The following PCDHA9 variants were observed in gnomAD, a reference collection of about 807,000 sequenced individuals.
PCDHA9 encodes the protein protocadherin alpha 9.
Under a neutral mutation model 62.0 loss-of-function variants are expected in PCDHA9, and 62 were observed. The ratio of observed to expected loss-of-function variants is 1.00; its 90% CI spans 0.81 to 1.23. The LOEUF is 1.23. Among genes scored for constraint, PCDHA9 ranks in the 50% most tolerant of loss-of-function variants. PCDHA9 has a pLI of 0.00. For missense variants in PCDHA9, 1,205 were observed against 1,249.8 expected, an observed-to-expected ratio of 0.96 and a Z score of 0.54; for synonymous variants, 557 against 567.6, an observed-to-expected ratio of 0.98 and a Z score of 0.27.
At chr5:140,927,265 C>T in intron 1 of PCDHA9, 1 of 1,614,168 alleles carries the variant, frequency 6.2e-7, no homozygotes. Context: ...ACCTCTCTTT[C>T]CTGCCGGCGA....
intron 2 of PCDHA9, 35 bp downstream of exon 2, chr5:140,979,042 C>T (rs782163702): frequency 6.2e-7 from 1 of 1,612,562 alleles, no homozygotes; most frequent in African/African-American, 1.3e-5. Context: ...TCAGAAGTAA[C>T]CTTAACTTGG....
chr5:140,906,720 G>A (rs2072884338), intron 1 of PCDHA9, among the ~76,000 whole-genome samples: 1 of 152,182 alleles, frequency 6.6e-6, no homozygotes, highest in African/African-American at 2.4e-5. Context: ...CCTGGATTGT[G>A]CTGTTGTAGT....
At chr5:140,910,679 A>G (rs1554194364) in intron 1 of PCDHA9, among the ~76,000 whole-genome samples, 1 of 152,208 alleles carries the variant, frequency 6.6e-6, no homozygotes, top group East Asian at 1.9e-4. Context: ...AAGGGAGATC[A>G]GGCATTTCCA....
chr5:141,000,027 A>G (rs782393146), intron 3 of PCDHA9, among the ~76,000 whole-genome samples: 4 of 152,048 alleles, frequency 2.6e-5, no homozygotes, highest in Non-Finnish European at 5.9e-5. Flanking sequence ...TAAGCCTGAC[A>G]TCCAATCACA....
At chr5:140,926,564 A>T in intron 1 of PCDHA9, 1 of 243,746 alleles carries the variant, frequency 4.1e-6, no homozygotes, top group Non-Finnish European at 7.8e-6. Flanking sequence ...GCCCGCTGCT[A>T]CTGGAGACAG....
At chr5:140,857,138 G>A in intron 1 of PCDHA9, 2 of 1,598,300 alleles carry the variant, frequency 1.3e-6, no homozygotes, top group Non-Finnish European at 1.7e-6. Context: ...AGATGCTCAA[G>A]TGGGCACCGT....
At chr5:140,931,405 G>A (rs1395168165) in intron 1 of PCDHA9, among the ~76,000 whole-genome samples, 1 of 151,984 alleles carries the variant, frequency 6.6e-6, no homozygotes, top group South Asian at 2.1e-4. Flanking sequence ...CGATAGGAAG[G>A]CTGATGAATC....
intron 1 of PCDHA9, chr5:140,967,336 C>T (rs782067589): frequency 5.0e-6 from 8 of 1,607,396 alleles, no homozygotes; most frequent in Admixed American, 1.7e-5. Context: ...TCAGCCCCAG[C>T]GAGCACTTCG....
chr5:140,910,528 T>A (rs2153515102), intron 1 of PCDHA9, among the ~76,000 whole-genome samples: 1 of 152,314 alleles, frequency 6.6e-6, no homozygotes, highest in African/African-American at 2.4e-5. Flanking sequence ...GGTACTCCCC[T>A]CACAAATCTA....
chr5:140,867,596 G>C (rs1388910756), intron 1 of PCDHA9: 2 of 152,076 alleles, frequency 1.3e-5, no homozygotes, highest in African/African-American at 2.4e-5. Context: ...TTAGATTGGA[G>C]ATAAACCATC....
At chr5:140,866,951 G>C (rs1207354253) in intron 1 of PCDHA9, 1 of 152,106 alleles carries the variant, frequency 6.6e-6, no homozygotes, top group African/African-American at 2.4e-5. Flanking sequence ...CTAGGGGCTG[G>C]TTGAGATGGT....
Position 140,883,556 on chromosome 5 carries a change from G to C in PCDHA9, c.2394+32667G>C, listed in dbSNP as rs144498761. ...TGAACTGGTGGTGACCGCGCGGGAC[G>C]GGGGCTCGCCTTCGCTGTGGGCCAC... On this transcript the variant is annotated intron_variant, in intron 1 of 3. Transcript: ENST00000532602. The C allele has an allele frequency of 2.1e-4, 339 of 1,614,184 alleles. 1 individual carries two copies. In the Middle Eastern group the frequency reaches 8.9e-3, roughly 42 times the overall value.
chr5:140,870,614 C>T, intron 1 of PCDHA9: 2 of 1,613,212 alleles, frequency 1.2e-6, no homozygotes, highest in Non-Finnish European at 1.7e-6. Context: ...CGCGCGCTGT[C>T]GAGCTACGTG....
intron 3 of PCDHA9, among the ~76,000 whole-genome samples, chr5:140,984,328 G>A (rs1221209076): frequency 3.3e-5 from 5 of 152,156 alleles, no homozygotes; most frequent in African/African-American, 1.2e-4. Context: ...GGCAAATGTG[G>A]AATAGGAACC....
intron 2 of PCDHA9, among the ~76,000 whole-genome samples, chr5:140,979,943 T>A (rs2153820467): frequency 6.6e-6 from 1 of 152,364 alleles, no homozygotes; most frequent in Admixed American, 6.5e-5. Context: ...GTAGAGTTAA[T>A]GTGAAATTAG....
At chr5:141,009,482 C>T in intron 3 of PCDHA9, 145 bp from the exon 4 acceptor site, 1 of 1,446,086 alleles carries the variant, frequency 6.9e-7, no homozygotes, top group Non-Finnish European at 9.1e-7. Flanking sequence ...TAAACACTTG[C>T]CTTGCCCTCA....
chr5:140,948,150 T>C (rs1477987526), intron 1 of PCDHA9, among the ~76,000 whole-genome samples: 2 of 151,642 alleles, frequency 1.3e-5, no homozygotes, highest in Non-Finnish European at 3.0e-5. Flanking sequence ...TTTTTGAATG[T>C]TGGAAAAAAC....
chr5:141,010,321 G>C lies in PCDHA9; in HGVS notation c.*384G>C. On this transcript the variant is annotated 3_prime_UTR_variant, in exon 4 of 4. Transcript: ENST00000532602. Reference sequence around the variant, plus strand: ...GGCTGAAAAGTTTTGAGATTGAGCAGCTTGGGAGTTTGTGGCCACTGGGTA... The same window carrying C: ...GGCTGAAAAGTTTTGAGATTGAGCACCTTGGGAGTTTGTGGCCACTGGGTA... 7 of 1,541,244 alleles carry C rather than the reference G, an allele frequency of 4.5e-6. No homozygotes were observed. In the South Asian group the frequency reaches 8.5e-5, roughly 19 times the overall value.
chr5:140,966,453 C>G, intron 1 of PCDHA9: 1 of 426,310 alleles, frequency 2.3e-6, no homozygotes, highest in Non-Finnish European at 4.1e-6. Flanking sequence ...TTCCCCCTCC[C>G]CCTCTGTCTT....
Sources: gnomAD v4.1 joint callset for allele counts (sites outside exome capture counted in the v4.1 genomes callset) on GRCh38, gnomAD v4.1.1 for gene constraint, MANE v1.5 for transcripts, NCBI Gene and HGNC (gene_info 2026-07-23, HGNC 2026-07-21) for gene names.